The following SMYD3 variants were observed in gnomAD, a reference collection of about 807,000 sequenced individuals.
SMYD3 encodes SET and MYND domain containing 3, also known as histone-lysine N-methyltransferase SMYD3.
In SMYD3, 36 loss-of-function variants were observed where a neutral mutation model predicts 57.7. The observed-to-expected ratio is 0.62, with a 90% CI of 0.48 to 0.82. The LOEUF is 0.82. SMYD3 is among the 40% of genes least tolerant of loss of function. The probability of loss-of-function intolerance (pLI) is 0.00; values close to 1 mark genes in which losing one functional copy is unlikely to be tolerated. For synonymous variants in SMYD3, 211 were observed against 195.0 expected, an observed-to-expected ratio of 1.08 and a Z score of -0.68; for missense variants, 515 against 538.8, an observed-to-expected ratio of 0.96 and a Z score of 0.44.
intron 10 of SMYD3, among the ~76,000 whole-genome samples, chr1:245,799,782 A>G (rs925515848): frequency 2.0e-5 from 3 of 152,110 alleles, no homozygotes; most frequent in South Asian, 2.1e-4. Context: ...CGACCTCGGC[A>G]CACCTGTCCA....
In SMYD3 at chr1:246,167,127, G is replaced by C. The variant is rs2062229005; in HGVS notation, c.531+160074C>G. On this transcript the variant is annotated intron_variant, in intron 5 of 11. Coordinates refer to ENST00000490107, the MANE Select transcript of SMYD3 (RefSeq NM_001167740.2). ...GCATGTATGGGTACTTCATTCATTT[G>C]ATGGCTGAATGATACTCGATTGTAT... Among the ~76,000 whole-genome samples, 2 of 152,202 alleles carry C rather than the reference G, an allele frequency of 1.3e-5. 1 individual carries two copies. The highest frequency in any genetic ancestry group is 4.1e-4 in the South Asian group (2 of 4,828).
At chr1:246,187,805 G>A (rs1352285437) in intron 5 of SMYD3, among the ~76,000 whole-genome samples, 5 of 152,134 alleles carry the variant, frequency 3.3e-5, no homozygotes, top group Non-Finnish European at 7.4e-5. Flanking sequence ...ATTCCTTGGA[G>A]ATAATGACAA....
rs190955968 is a variant in SMYD3, at chr1:246,328,097, G to A, written c.395-760C>T. Among the ~76,000 whole-genome samples the A allele has an allele frequency of 5.3e-3, 810 of 152,232 alleles. 4 individuals are homozygous for A. Among genetic ancestry groups the A allele is most frequent in the Middle Eastern group, 0.01 (3 of 294 alleles). On this transcript the variant is annotated intron_variant, in intron 4 of 11. Coordinates refer to ENST00000490107, the MANE Select transcript of SMYD3 (RefSeq NM_001167740.2). ...TAATCCCAGCTACTCGGGAGGCTGA[G>A]GCAGGAGAATCACTTGAACCCAGGA... is the stretch of plus-strand genomic sequence containing the variant.
chr1:245,986,612 T>A (rs1298226234), intron 5 of SMYD3, among the ~76,000 whole-genome samples: 1 of 152,200 alleles, frequency 6.6e-6, no homozygotes, highest in East Asian at 1.9e-4. Context: ...GGCATTTTCA[T>A]GGTCTTCAGT....
At chr1:245,911,482 A>T (rs536107698) in intron 8 of SMYD3, among the ~76,000 whole-genome samples, 6 of 145,248 alleles carry the variant, frequency 4.1e-5, no homozygotes, top group Non-Finnish European at 7.5e-5. Context: ...ATCAATAAGT[A>T]AAAAAAAAAA....
At chr1:246,452,346 A>G (rs188400250) in intron 1 of SMYD3, among the ~76,000 whole-genome samples, 2 of 152,220 alleles carry the variant, frequency 1.3e-5, no homozygotes, top group Admixed American at 1.3e-4. Context: ...TCTCTCCTAA[A>G]AATACAAAAA....
At chr1:245,862,003 T>TG (rs11397374) in intron 9 of SMYD3, among the ~76,000 whole-genome samples, 84,318 of 151,758 alleles carry the variant, frequency 0.56, 26,601 homozygotes, top group Non-Finnish European at 0.73. Flanking sequence ...CCAATACCGC[T>TG]GCCAGGGACC....
intron 10 of SMYD3, among the ~76,000 whole-genome samples, chr1:245,825,456 T>C (rs1338394078): frequency 6.6e-6 from 1 of 152,154 alleles, no homozygotes; most frequent in Non-Finnish European, 1.5e-5. Context: ...GGCCCCTCTA[T>C]CTGGCCTGCT....
intron 5 of SMYD3, among the ~76,000 whole-genome samples, chr1:246,240,572 G>GCA (rs748125897): frequency 0.054 from 8,167 of 150,766 alleles, 360 homozygotes; most frequent in African/African-American, 0.11. Flanking sequence ...TTGGCAATAA[G>GCA]GGCTCTTTTT....
chr1:246,271,584 C>G (rs1337932288), intron 5 of SMYD3, among the ~76,000 whole-genome samples: 1 of 152,126 alleles, frequency 6.6e-6, no homozygotes, highest in Non-Finnish European at 1.5e-5. Context: ...GTCTTGGCAC[C>G]CCCATCGAAA....
rs572306198 is a variant in SMYD3, at chr1:246,074,023, C to T, written c.532-144086G>A. 2.0e-5 allele frequency among the ~76,000 whole-genome samples: 3 copies of T among 152,318 alleles called. No homozygotes were observed. In the South Asian group the frequency reaches 6.2e-4, roughly 32 times the overall value. On this transcript the variant is annotated intron_variant, in intron 5 of 11. Coordinates refer to ENST00000490107, the MANE Select transcript of SMYD3 (RefSeq NM_001167740.2). ...GCATGGCTTTGAATGTGGCCAAACG[C>T]AAACTTGCAAACTTTCTTAAAACAT... is the stretch of plus-strand genomic sequence containing the variant.
intron 10 of SMYD3, among the ~76,000 whole-genome samples, chr1:245,787,556 C>G (rs545013334): frequency 1.3e-5 from 2 of 152,068 alleles, no homozygotes; most frequent in East Asian, 3.9e-4. Flanking sequence ...GCAGCTTTCT[C>G]CAGAAGTTCC....
At chr1:245,784,937 C>T (rs1429466450) in intron 10 of SMYD3, among the ~76,000 whole-genome samples, 1 of 150,754 alleles carries the variant, frequency 6.6e-6, no homozygotes, top group Non-Finnish European at 1.5e-5. Context: ...GCAACCTCCG[C>T]CTCCCGGGTT....
chr1:245,922,609 A>ATT (rs33954209), intron 7 of SMYD3, among the ~76,000 whole-genome samples: 78,824 of 150,550 alleles, frequency 0.52, 26,503 homozygotes, highest in Non-Finnish European at 0.76. Flanking sequence ...CTAATGTCAT[A>ATT]TTTTTTTTTT....
At chr1:245,945,771 C>T (rs2057409656) in intron 5 of SMYD3, among the ~76,000 whole-genome samples, 1 of 152,160 alleles carries the variant, frequency 6.6e-6, no homozygotes, top group Non-Finnish European at 1.5e-5. Context: ...CCATGGAATA[C>T]TACACAGTAA....
At position 246,505,144 on chromosome 1, in the gene SMYD3, C is replaced by T. The variant is rs576900299; in HGVS notation, c.164+1910G>A. 2.0e-4 allele frequency among the ~76,000 whole-genome samples: 31 copies of T among 152,212 alleles called. No individual in the cohort carries two copies. The South Asian group carries it at 6.2e-3, about 31-fold the overall frequency. On this transcript the variant is annotated intron_variant, in intron 1 of 11. Coordinates refer to ENST00000490107, the MANE Select transcript of SMYD3 (RefSeq NM_001167740.2). ...CAGTCATTATGAAGAATCTGTTTAG[C>T]TTGTTTTGTTTAGATGCTTAGCATT...
chr1:246,092,203 A>C (rs1225943620), intron 5 of SMYD3, among the ~76,000 whole-genome samples: 1 of 152,178 alleles, frequency 6.6e-6, no homozygotes, highest in African/African-American at 2.4e-5. Context: ...GGGTCATTTT[A>C]AGTGCTTATT....
chr1:246,385,811 C>A (rs942248334), intron 1 of SMYD3, among the ~76,000 whole-genome samples: 6 of 152,184 alleles, frequency 3.9e-5, no homozygotes, highest in Admixed American at 2.6e-4. Context: ...GAAAGTGGGG[C>A]TTTTCTGCAC....
At chr1:246,155,777 C>T (rs987017303) in intron 5 of SMYD3, among the ~76,000 whole-genome samples, 6 of 151,884 alleles carry the variant, frequency 4.0e-5, no homozygotes, top group African/African-American at 7.3e-5. Flanking sequence ...GTCAGGAGTT[C>T]GAGACCAGCC....
Sources: allele counts gnomAD v4.1 joint callset (sites outside exome capture counted in the v4.1 genomes callset), GRCh38; gene constraint gnomAD v4.1.1; transcripts MANE v1.5; gene names NCBI Gene and HGNC (gene_info 2026-07-23, HGNC 2026-07-21).